ZNF710: variants seen among roughly 807,000 people sequenced by gnomAD.
ZNF710 encodes zinc finger protein 710.
ZNF710 carries 13 observed loss-of-function variants against 50.6 expected under a neutral mutation model. That is an observed-to-expected ratio of 0.26 (90% CI 0.17 to 0.41). The LOEUF (loss-of-function observed/expected upper bound fraction) is 0.41. Ranked by LOEUF, ZNF710 falls within the 10% of genes least tolerant of loss-of-function variation. The probability of loss-of-function intolerance (pLI) is 1.00; values close to 1 mark genes in which losing one functional copy is unlikely to be tolerated. For synonymous variants in ZNF710, 383 were observed against 397.0 expected, an observed-to-expected ratio of 0.96 and a Z score of 0.42; for missense variants, 721 against 936.6, an observed-to-expected ratio of 0.77 and a Z score of 3.01.
intron 1 of ZNF710, among the ~76,000 whole-genome samples, chr15:90,038,213 A>G (rs1899188246): frequency 6.6e-6 from 1 of 152,210 alleles, no homozygotes; most frequent in African/African-American, 2.4e-5. Flanking sequence ...CCAGTGCATC[A>G]CTTTCATCAT....
upstream of ZNF710, among the ~76,000 whole-genome samples, chr15:89,998,490 C>CT (rs1305504985): frequency 6.6e-6 from 1 of 152,226 alleles, no homozygotes; most frequent in Admixed American, 6.5e-5. Flanking sequence ...CAATCCCAGC[C>CT]TCCCAGTGGG....
rs201968429 is a variant in ZNF710, at chr15:90,067,682, T to G, written c.545T>G (p.Leu182Arg). ...RHLPRTPRPE[L>R]NVAPYDPHFP... is the part of the protein sequence containing the mutation. ...CTGCCCCGAACCCCGAGGCCGGAGC[T>G]GAACGTGGCCCCATATGACCCTCAC... The change falls in exon 2 of 5, where the codon CTG becomes CGG. Residue 182 changes from leucine (L) to arginine (R), a missense_variant. Around this residue, in one of 3 missense-constraint regions of ZNF710, gnomAD observed 326 missense variants for 347.1 expected, o/e 0.94. Transcript: ENST00000268154. The surrounding 1 kb of genome is among the most constrained non-coding windows in gnomAD (Gnocchi z 8.1). The G allele has an allele frequency of 6.9e-3, 11,096 of 1,612,710 alleles. 57 individuals are homozygous for G. The highest frequency in any genetic ancestry group is 8.3e-3 in the Non-Finnish European group (9,802 of 1,179,578).
chr15:90,056,398 G>C (rs1899818526), intron 1 of ZNF710, among the ~76,000 whole-genome samples: 1 of 152,098 alleles, frequency 6.6e-6, no homozygotes, highest in South Asian at 2.1e-4. Flanking sequence ...TAGGCAACAA[G>C]AGCGAAACTC....
chr15:90,078,969 A>G (rs1900657875), intron 4 of ZNF710, among the ~76,000 whole-genome samples: 1 of 152,168 alleles, frequency 6.6e-6, no homozygotes, highest in African/African-American at 2.4e-5. Context: ...GCCTCTTAGG[A>G]GTTTTTGCCT....
At chr15:90,001,097 A>G (rs1254997724), upstream of ZNF710, among the ~76,000 whole-genome samples, 2 of 152,208 alleles carry the variant, frequency 1.3e-5, no homozygotes, top group Non-Finnish European at 2.9e-5. Context: ...ATAAGAAAGG[A>G]GGAAGAAGGA....
At chr15:90,020,656 C>G (rs1898589294) in intron 1 of ZNF710, among the ~76,000 whole-genome samples, 1 of 152,226 alleles carries the variant, frequency 6.6e-6, no homozygotes, top group Non-Finnish European at 1.5e-5. Flanking sequence ...TGCATGTTTC[C>G]CCTGGGGTGG....
Position 90,067,622 on chromosome 15 carries a change from G to C in ZNF710, c.485G>C (p.Ser162Thr). Residue 162 changes from serine to threonine, a missense_variant, in exon 2 of 5, where the codon AGC becomes ACC. Ser to Thr is a moderately conservative substitution (Grantham distance 58, BLOSUM62 1). Around this residue, in one of 3 missense-constraint regions of ZNF710, gnomAD observed 326 missense variants for 347.1 expected, o/e 0.94. Coordinates refer to ENST00000268154, the MANE Select transcript of ZNF710 (RefSeq NM_198526.4). The surrounding 1 kb of genome is among the most constrained non-coding windows in gnomAD (Gnocchi z 8.1). ...QSSAVKMIDL[S>T]AFSRKPRTLR... ...AGCGCCGTCAAGATGATCGACCTCA[G>C]CGCCTTCAGCCGCAAGCCCCGGACG... The C allele has an allele frequency of 6.8e-6, 11 of 1,611,844 alleles. No homozygotes were observed. The highest frequency in any genetic ancestry group is 9.3e-6 in the Non-Finnish European group (11 of 1,179,248).
rs1001426410 is a variant in ZNF710 at position 90,080,402 on chromosome 15, G to GTGGCCC, written c.*585_*590dup. On this transcript the variant is annotated 3_prime_UTR_variant, in exon 5 of 5. Coordinates refer to ENST00000268154, the MANE Select transcript of ZNF710 (RefSeq NM_198526.4). Reference sequence around the variant, plus strand: ...TGCGCTCCTCAAGCCAGGTGTGCACGTGGCCCTGGCCCTGGCCTGCAGGAC... The same window carrying GTGGCCC: ...TGCGCTCCTCAAGCCAGGTGTGCACGTGGCCCTGGCCCTGGCCCTGGCCTGCAGGAC... 1 of 152,838 alleles carries GTGGCCC rather than the reference G, an allele frequency of 6.5e-6. No individual in the cohort carries two copies. Among genetic ancestry groups the GTGGCCC allele is most frequent in the African/African-American group, 2.4e-5 (1 of 41,394 alleles). 9.5% of individuals were successfully genotyped at this position (152,838 alleles called of 1,614,324 possible).
chr15:90,058,729 A>G (rs1290216862), intron 1 of ZNF710, among the ~76,000 whole-genome samples: 1 of 150,056 alleles, frequency 6.7e-6, no homozygotes, highest in African/African-American at 2.5e-5. Flanking sequence ...ACACACATAT[A>G]CACACACACG....
intron 1 of ZNF710, among the ~76,000 whole-genome samples, chr15:90,042,354 C>A (rs115037306): frequency 0.022 from 3,317 of 152,060 alleles, 124 homozygotes; most frequent in African/African-American, 0.076. Flanking sequence ...GTCTCCCCCC[C>A]ACCCCCTCCA....
At chr15:90,078,867 C>T (rs368213872) in intron 4 of ZNF710, among the ~76,000 whole-genome samples, 1 of 152,238 alleles carries the variant, frequency 6.6e-6, no homozygotes, top group East Asian at 1.9e-4. Context: ...CAGCCACAGC[C>T]CCTGCCAGCC....
At chr15:90,019,608 G>A (rs886948288) in intron 1 of ZNF710, among the ~76,000 whole-genome samples, 1 of 152,170 alleles carries the variant, frequency 6.6e-6, no homozygotes, top group African/African-American at 2.4e-5. Context: ...TGTTTCTCAC[G>A]GGTCATACAG....
At chr15:90,037,989 C>A (rs367945534) in intron 1 of ZNF710, among the ~76,000 whole-genome samples, 1 of 152,208 alleles carries the variant, frequency 6.6e-6, no homozygotes, top group Non-Finnish European at 1.5e-5. Flanking sequence ...ACAGGCCTGG[C>A]CTTCCAGCCA....
rs75845264 is a variant in ZNF710, at chr15:90,016,098, G to T, written c.-29+14484G>T. 8.7e-4 allele frequency among the ~76,000 whole-genome samples: 133 copies of T among 152,240 alleles called. 2 individuals carry two copies. The East Asian group carries it at 0.022, about 25-fold the overall frequency. The stretch of plus-strand genomic sequence containing the variant: ...CCACAGTCGGGGCTGACTTTTCATG[G>T]TGTATCTTTTTCTGTATTTTGAATC... On this transcript the variant is annotated intron_variant, in intron 1 of 4. Transcript: ENST00000268154.
intron 3 of ZNF710, among the ~76,000 whole-genome samples, chr15:90,073,776 G>A (rs952233472): frequency 2.0e-5 from 3 of 152,054 alleles, no homozygotes; most frequent in Admixed American, 6.5e-5. Flanking sequence ...ATCATTTGAG[G>A]TAAGGAGTTC....
chr15:90,025,418 C>T (rs1258180097), intron 1 of ZNF710: 3 of 152,238 alleles, frequency 2.0e-5, no homozygotes, highest in Admixed American at 6.5e-5. Context: ...TTTATGTAGA[C>T]AATCTGATAA....
At chr15:90,016,738 A>C (rs528654828) in intron 1 of ZNF710, among the ~76,000 whole-genome samples, 3 of 152,308 alleles carry the variant, frequency 2.0e-5, no homozygotes, top group African/African-American at 7.2e-5. Context: ...TTTTTTAACC[A>C]ACATTTCATT....
chr15:90,003,378 C>G (rs1012295395), intron 1 of ZNF710, among the ~76,000 whole-genome samples: 4 of 152,178 alleles, frequency 2.6e-5, no homozygotes, highest in Non-Finnish European at 5.9e-5. Context: ...AAAACTCCCC[C>G]ACAGGTGTGC....
At position 90,067,839 on chromosome 15, in the gene ZNF710, G is replaced by A. The variant is rs760735897; in HGVS notation, c.702G>A (p.Met234Ile). Reference sequence around the variant, plus strand: ...TGAGTGACCCCGAGGCCCCCAGCATGGAGTCCCCGGAGCCTGTCAAGCCGG... The same window carrying A: ...TGAGTGACCCCGAGGCCCCCAGCATAGAGTCCCCGGAGCCTGTCAAGCCGG... Reference protein sequence around the residue: ...APLSDPEAPSMESPEPVKPEQ... With the variant: ...APLSDPEAPSIESPEPVKPEQ... The change falls in exon 2 of 5, where the codon ATG becomes ATA. Residue 234 changes from methionine to isoleucine, a missense_variant. Met to Ile is a conservative substitution (Grantham distance 10). Around this residue, in one of 3 missense-constraint regions of ZNF710, gnomAD observed 326 missense variants for 347.1 expected, o/e 0.94. Transcript: ENST00000268154. This position sits in a 1 kb window ranked among gnomAD's most constrained non-coding sequence, Gnocchi z 8.1. 17 of 1,593,490 alleles carry A rather than the reference G, an allele frequency of 1.1e-5. No homozygotes were observed. Among genetic ancestry groups the A allele is most frequent in the Middle Eastern group, 3.3e-4 (2 of 6,010 alleles).
Sources: gnomAD v4.1 joint callset for allele counts (sites outside exome capture counted in the v4.1 genomes callset) on GRCh38, gnomAD v4.1.1 for gene constraint, gnomAD v4.1.1 regional missense constraint, Gnocchi (gnomAD v3.1) non-coding constraint, MANE v1.5 for transcripts, NCBI Gene and HGNC (gene_info 2026-07-23, HGNC 2026-07-21) for gene names.